Variants in ZFPM2 observed in about 807,000 individuals in gnomAD.
The protein encoded by ZFPM2 is zinc finger protein, FOG family member 2, also known as zinc finger protein ZFPM2.
In ZFPM2, 20 loss-of-function variants were observed where a neutral mutation model predicts 98.6. That is an observed-to-expected ratio of 0.20 (90% CI 0.14 to 0.29). The LOEUF is 0.29. ZFPM2 is among the 10% of genes least tolerant of loss of function. The probability of loss-of-function intolerance (pLI) is 1.00; values close to 1 mark genes in which losing one functional copy is unlikely to be tolerated. For synonymous variants in ZFPM2, 518 were observed against 502.7 expected (o/e 1.03, Z -0.41); for missense variants, 1,310 against 1,388.6 (o/e 0.94, Z 0.90).
chr8:105,554,623 G>C (rs76007292), intron 3 of ZFPM2, among the ~76,000 whole-genome samples: 1 of 152,030 alleles, frequency 6.6e-6, no homozygotes, highest in East Asian at 1.9e-4. Context: ...TTAAAATTTG[G>C]TTGTATATTT....
intron 4 of ZFPM2, among the ~76,000 whole-genome samples, chr8:105,587,850 C>A (rs2130757483): frequency 6.6e-6 from 1 of 152,170 alleles, no homozygotes; most frequent in Non-Finnish European, 1.5e-5. Flanking sequence ...CTACTAGATG[C>A]CAGTAGCATC....
chr8:105,780,363 A>G (rs1442324), intron 5 of ZFPM2: 95,019 of 152,114 alleles, frequency 0.62, 32,039 homozygotes, highest in African/African-American at 0.9. Context: ...CAGTTTTGGA[A>G]GATGCATTAC....
intron 5 of ZFPM2, among the ~76,000 whole-genome samples, chr8:105,724,187 T>C (rs1811745225): frequency 6.6e-6 from 1 of 151,854 alleles, no homozygotes; most frequent in Non-Finnish European, 1.5e-5. Flanking sequence ...TAATATGAGC[T>C]AAAAAAGTAT....
At chr8:105,610,512 G>A (rs1195153420) in intron 4 of ZFPM2, among the ~76,000 whole-genome samples, 2 of 152,046 alleles carry the variant, frequency 1.3e-5, no homozygotes, top group Admixed American at 6.6e-5. Context: ...TTGGAAACTA[G>A]CATATAATAA....
In ZFPM2 at chr8:105,547,542, C is replaced by CAAAA. The variant is rs148322534; in HGVS notation, c.302-13797_302-13794dup. Among the ~76,000 whole-genome samples, 77 of 47,176 alleles carry CAAAA rather than the reference C, an allele frequency of 1.6e-3. 8 individuals carry two copies. Among genetic ancestry groups the CAAAA allele is most frequent in the African/African-American group, 7.2e-3 (71 of 9,916 alleles). 30.9% of individuals were successfully genotyped at this position (47,176 alleles called of 152,430 possible). On this transcript the variant is annotated intron_variant, in intron 3 of 7. Coordinates refer to ENST00000407775, the MANE Select transcript of ZFPM2 (RefSeq NM_012082.4). ...GGGTGACGAGAGTGAAACTCCATCT[C>CAAAA]AAAAAAAAAAAAAAAAAAAAAAAAA...
intron 7 of ZFPM2, 100 bp downstream of exon 7, chr8:105,799,048 G>A: frequency 9.0e-7 from 1 of 1,112,570 alleles, no homozygotes; most frequent in Non-Finnish European, 1.3e-6. Context: ...TCTATCTGTA[G>A]CTATCTATAA....
chr8:105,671,919 A>G (rs1310402082), intron 5 of ZFPM2, among the ~76,000 whole-genome samples: 2 of 152,160 alleles, frequency 1.3e-5, no homozygotes, highest in African/African-American at 2.4e-5. Context: ...ACTCTTAATT[A>G]CTATGTTATG....
At chr8:105,382,252 A>G (rs1810903883) in intron 1 of ZFPM2, among the ~76,000 whole-genome samples, 2 of 152,056 alleles carry the variant, frequency 1.3e-5, no homozygotes, top group Non-Finnish European at 1.5e-5. Context: ...TGTGTATGCA[A>G]TGCACTCTAG....
chr8:105,660,385 C>T (rs1277486419), intron 5 of ZFPM2, among the ~76,000 whole-genome samples: 3 of 152,114 alleles, frequency 2.0e-5, no homozygotes, highest in Non-Finnish European at 2.9e-5. Flanking sequence ...GAATAGACAG[C>T]ACTTTCTCTT....
chr8:105,448,935 T>C (rs1253315556), intron 3 of ZFPM2, among the ~76,000 whole-genome samples: 4 of 152,008 alleles, frequency 2.6e-5, no homozygotes, highest in African/African-American at 9.7e-5. Context: ...AAAATAGTGT[T>C]TACATCCCTG....
intron 3 of ZFPM2, among the ~76,000 whole-genome samples, chr8:105,455,319 A>G (rs1812565672): frequency 6.6e-6 from 1 of 152,190 alleles, no homozygotes; most frequent in African/African-American, 2.4e-5. Context: ...TATTAGTTGG[A>G]CAGAACGTGG....
At chr8:105,774,213 C>T (rs1484657012) in intron 5 of ZFPM2, among the ~76,000 whole-genome samples, 2 of 152,090 alleles carry the variant, frequency 1.3e-5, no homozygotes, top group African/African-American at 4.8e-5. Flanking sequence ...TGTGCCACTC[C>T]CACTGTTCCT....
At chr8:105,666,565 A>G (rs2130896001) in intron 5 of ZFPM2, among the ~76,000 whole-genome samples, 1 of 152,364 alleles carries the variant, frequency 6.6e-6, no homozygotes, top group Non-Finnish European at 1.5e-5. Flanking sequence ...TCCTTCAGAT[A>G]GACCTGCAGT....
chr8:105,583,431 G>GA (rs1027610976), intron 4 of ZFPM2, among the ~76,000 whole-genome samples: 58 of 151,764 alleles, frequency 3.8e-4, no homozygotes, highest in African/African-American at 1.2e-3. Flanking sequence ...AATGCTTACA[G>GA]AAAAAAAATA....
intron 3 of ZFPM2, among the ~76,000 whole-genome samples, chr8:105,542,716 A>T (rs1415860527): frequency 6.6e-6 from 1 of 152,186 alleles, no homozygotes; most frequent in Non-Finnish European, 1.5e-5. Context: ...AGGGATAATT[A>T]TTGAGATAAT....
intron 3 of ZFPM2, among the ~76,000 whole-genome samples, chr8:105,488,829 T>C (rs1165908945): frequency 6.6e-6 from 1 of 152,150 alleles, no homozygotes. Flanking sequence ...AGAGATTCTA[T>C]GTGAACAAAC....
At chr8:105,494,419 G>C (rs1284330999) in intron 3 of ZFPM2, among the ~76,000 whole-genome samples, 1 of 151,234 alleles carries the variant, frequency 6.6e-6, no homozygotes, top group Admixed American at 6.6e-5. Flanking sequence ...CTCCTCTCTT[G>C]TATCTGTCTC....
At chr8:105,328,404 A>T (rs1812154421) in intron 1 of ZFPM2, among the ~76,000 whole-genome samples, 1 of 151,842 alleles carries the variant, frequency 6.6e-6, no homozygotes, top group Non-Finnish European at 1.5e-5. Flanking sequence ...GAATGCTTAT[A>T]TCCACAAAAT....
chr8:105,527,346 C>G (rs114557583), intron 3 of ZFPM2, among the ~76,000 whole-genome samples: 1 of 152,160 alleles, frequency 6.6e-6, no homozygotes, highest in Non-Finnish European at 1.5e-5. Context: ...ACCCTTTAGT[C>G]TAGCACAAAA....
Sources: allele counts gnomAD v4.1 joint callset (sites outside exome capture counted in the v4.1 genomes callset), GRCh38; gene constraint gnomAD v4.1.1; transcripts MANE v1.5; gene names NCBI Gene and HGNC (gene_info 2026-07-23, HGNC 2026-07-21).